The following TUSC3 variants were observed in gnomAD, a reference collection of about 807,000 sequenced individuals.
TUSC3 encodes the protein tumor suppressor candidate 3.
A neutral mutation model predicts 44.8 loss-of-function variants in TUSC3; 45 were observed. The observed-to-expected ratio is 1.00, with a 90% CI of 0.79 to 1.29. The LOEUF (loss-of-function observed/expected upper bound fraction) is 1.29. TUSC3 is among the 50% of genes most tolerant of loss of function. The pLI, the probability that TUSC3 is intolerant of heterozygous loss-of-function variation, is 0.00. For synonymous variants in TUSC3, 212 were observed against 152.9 expected (o/e 1.39, Z -2.85); for missense variants, 519 against 437.9 (o/e 1.19, Z -1.65).
chr8:15,696,718 A>G (rs906449210), intron 6 of TUSC3, among the ~76,000 whole-genome samples: 1 of 152,188 alleles, frequency 6.6e-6, no homozygotes, highest in East Asian at 1.9e-4. Flanking sequence ...GGATTTTAGC[A>G]CCTATGCTCA....
chr8:15,716,398 G>A (rs1269884486), intron 6 of TUSC3, among the ~76,000 whole-genome samples: 1 of 151,920 alleles, frequency 6.6e-6, no homozygotes, highest in African/African-American at 2.4e-5. Flanking sequence ...AAGAAAAGTT[G>A]TTCAGTAAGT....
At chr8:15,794,699 A>G in the TUSC3 span, among the ~76,000 whole-genome samples, 1 of 74,404 alleles carries the variant, frequency 1.3e-5, no homozygotes, top group Non-Finnish European at 2.8e-5. Flanking sequence ...GTGCTGCATT[A>G]TAGGAGAGGA....
intron 1 of TUSC3, among the ~76,000 whole-genome samples, chr8:15,601,270 T>TG (rs1804277784): frequency 6.6e-6 from 1 of 151,762 alleles, no homozygotes; most frequent in East Asian, 1.9e-4. Flanking sequence ...GTCTATAAAA[T>TG]GCATTGTTTC....
chr8:15,670,812 C>T (rs1212426023), intron 5 of TUSC3, among the ~76,000 whole-genome samples: 1 of 151,554 alleles, frequency 6.6e-6, no homozygotes, highest in African/African-American at 2.4e-5. Flanking sequence ...GAACTGGTAC[C>T]CAGAAATATA....
At chr8:15,630,074 G>A (rs1484612374) in intron 2 of TUSC3, among the ~76,000 whole-genome samples, 2 of 152,036 alleles carry the variant, frequency 1.3e-5, no homozygotes, top group Non-Finnish European at 2.9e-5. Flanking sequence ...AACTCTTTTA[G>A]ATGTATTCTC....
At chr8:15,433,547 C>T (rs930796797) in intron 1 of TUSC3, among the ~76,000 whole-genome samples, 1 of 152,008 alleles carries the variant, frequency 6.6e-6, no homozygotes, top group Non-Finnish European at 1.5e-5. Context: ...CTCCCCCACC[C>T]ATATAACAGC....
chr8:15,483,649 A>ATTTTTGTTTTTTTT (rs1800694580), intron 2 of TUSC3, among the ~76,000 whole-genome samples: 1 of 66,164 alleles, frequency 1.5e-5, no homozygotes, highest in Non-Finnish European at 2.8e-5. Context: ...TAGCACTGTG[A>ATTTTTGTTTTTTTT]TTTTTTTTTT....
At chr8:15,844,898 G>C in the TUSC3 span, among the ~76,000 whole-genome samples, 1 of 152,110 alleles carries the variant, frequency 6.6e-6, no homozygotes, top group African/African-American at 2.4e-5. Flanking sequence ...GACTATCCCT[G>C]AGATGATCGT....
At chr8:15,500,496 T>C (rs1800945067) in intron 2 of TUSC3, among the ~76,000 whole-genome samples, 1 of 152,182 alleles carries the variant, frequency 6.6e-6, no homozygotes, top group African/African-American at 2.4e-5. Flanking sequence ...AACTAGTCAC[T>C]GTTAACACAC....
intron 1 of TUSC3, among the ~76,000 whole-genome samples, chr8:15,465,536 G>A (rs977862028): frequency 6.6e-6 from 1 of 152,068 alleles, no homozygotes; most frequent in Non-Finnish European, 1.5e-5. Context: ...ATGTTAAAAT[G>A]CTTTTTAAAA....
upstream of TUSC3, among the ~76,000 whole-genome samples, chr8:15,535,381 T>C (rs554793228): frequency 1.3e-5 from 2 of 152,320 alleles, no homozygotes; most frequent in South Asian, 4.1e-4. Context: ...ATGACATGAT[T>C]AGTGCTGTGC....
chr8:15,734,847 A>T (rs754275808), intron 7 of TUSC3, among the ~76,000 whole-genome samples: 1 of 152,222 alleles, frequency 6.6e-6, no homozygotes, highest in Non-Finnish European at 1.5e-5. Flanking sequence ...TCTTTATTGC[A>T]GGAAGATAAA....
intron 1 of TUSC3, among the ~76,000 whole-genome samples, chr8:15,430,261 A>T (rs1259049708): frequency 2.0e-5 from 3 of 147,016 alleles, no homozygotes; most frequent in African/African-American, 7.7e-5. Context: ...CCAGCAGCAC[A>T]TCAAAAAGCT....
chr8:15,813,163 A>G, the TUSC3 span, among the ~76,000 whole-genome samples: 1 of 152,096 alleles, frequency 6.6e-6, no homozygotes, highest in East Asian at 1.9e-4. Context: ...CTTTTGTATC[A>G]TTGGGGATTT....
intron 10 of TUSC3, among the ~76,000 whole-genome samples, chr8:15,759,195 CT>C (rs1417139984): frequency 6.6e-6 from 1 of 152,018 alleles, no homozygotes; most frequent in East Asian, 1.9e-4. Flanking sequence ...CAACCCAGAC[CT>C]TTTTTCCCGT....
At chr8:15,494,156 T>C (rs1020434872) in intron 2 of TUSC3, among the ~76,000 whole-genome samples, 2 of 152,162 alleles carry the variant, frequency 1.3e-5, no homozygotes, top group Non-Finnish European at 2.9e-5. Context: ...TTTCGAGTTG[T>C]CTTTCCATTG....
At chr8:15,423,969 G>GTTTTTGTTTTTTTTTT (rs1563247134) in intron 1 of TUSC3, among the ~76,000 whole-genome samples, 1 of 70,362 alleles carries the variant, frequency 1.4e-5, no homozygotes, top group East Asian at 5.5e-4. Context: ...GTTTTGCTTT[G>GTTTTTGTTTTTTTTTT]TTTTTTTTTT....
At chr8:15,565,560 C>T (rs1219057393) in intron 1 of TUSC3, among the ~76,000 whole-genome samples, 1 of 152,124 alleles carries the variant, frequency 6.6e-6, no homozygotes, top group Non-Finnish European at 1.5e-5. Context: ...AGAAATTCAC[C>T]AGGCTCTTGA....
chr8:15,659,788 A>T (rs1215595926), intron 4 of TUSC3, 141 bp downstream of exon 4: 1 of 1,080,708 alleles, frequency 9.3e-7, no homozygotes, highest in Non-Finnish European at 1.4e-6. Context: ...GATTACTGCA[A>T]ATGATAAGTT....
Sources: gnomAD v4.1 joint callset for allele counts (sites outside exome capture counted in the v4.1 genomes callset) on GRCh38, gnomAD v4.1.1 for gene constraint, MANE v1.5 for transcripts, NCBI Gene and HGNC (gene_info 2026-07-23, HGNC 2026-07-21) for gene names.